The following SLC13A5 variants were observed in gnomAD, a reference collection of about 807,000 sequenced individuals.
SLC13A5 encodes the protein solute carrier family 13 member 5, also known as Na(+)/citrate cotransporter.
SLC13A5 carries 25 observed loss-of-function variants against 56.5 expected under a neutral mutation model. The ratio of observed to expected loss-of-function variants is 0.44; its 90% CI spans 0.32 to 0.62. SLC13A5 has a LOEUF of 0.62. Ranked by LOEUF, SLC13A5 falls within the 20% of genes least tolerant of loss-of-function variation. The pLI is 0.04. For synonymous variants in SLC13A5, 307 were observed against 301.5 expected (o/e 1.02, Z -0.19); for missense variants, 649 against 737.8 (o/e 0.88, Z 1.39).
At chr17:6,686,432 C>T in intron 11 of SLC13A5, 94 bp from the exon 12 acceptor site, 2 of 1,524,904 alleles carry the variant, frequency 1.3e-6, no homozygotes, top group Middle Eastern at 1.8e-4. Flanking sequence ...GCCTCGATGT[C>T]CCTGTGCCAT....
chr17:6,701,207 G>A lies in SLC13A5; in HGVS notation c.717-81C>T, dbSNP rs1246798317. The stretch of plus-strand genomic sequence containing the variant: ...CCCTGTGCGTGGGGACGGAGCAGCA[G>A]CTGGGCCCTGAGAGGCGCGCCTGTG... On this transcript the variant is annotated intron_variant, in intron 5 of 11. Transcript: ENST00000433363. This position sits in a 1 kb window ranked among gnomAD's most constrained non-coding sequence, Gnocchi z 4.1. 1.3e-6 allele frequency: 2 copies of A among 1,576,746 alleles called. No homozygotes were observed. The highest frequency in any genetic ancestry group is 4.6e-5 in the East Asian group (2 of 43,356).
chr17:6,703,734 T>G, intron 4 of SLC13A5, 144 bp downstream of exon 4: 1 of 787,124 alleles, frequency 1.3e-6, no homozygotes, highest in Non-Finnish European at 1.9e-6. Context: ...AGGACAACAG[T>G]ATTTTCTATT....
At position 6,692,947 on chromosome 17, in the gene SLC13A5, G is replaced by T; in HGVS notation, c.1275+97C>A. On this transcript the variant is annotated intron_variant, in intron 9 of 11. Transcript: ENST00000433363. The surrounding 1 kb of genome is among the most constrained non-coding windows in gnomAD (Gnocchi z 5.5). ...ATGTGCGGTTATACGAAGGATGCAG[G>T]CACAGAAACACACAAGCCCAGGGAT... 3 of 910,946 alleles carry T rather than the reference G, an allele frequency of 3.3e-6. No individual in the cohort carries two copies. Among genetic ancestry groups the T allele is most frequent in the Non-Finnish European group, 5.5e-6 (3 of 543,866 alleles). 56.4% of individuals were successfully genotyped at this position (910,946 alleles called of 1,614,324 possible).
In SLC13A5 at chr17:6,694,188, G is replaced by A. The variant is rs140940366; in HGVS notation, c.1065C>T (p.Ser355=). 17 of 1,608,754 alleles carry A rather than the reference G, an allele frequency of 1.1e-5. No individual in the cohort carries two copies. The highest frequency in any genetic ancestry group is 2.7e-5 in the African/African-American group (2 of 74,878). ...AWVEGETKYV[S]DATVAIFVAT... ...CCACAAAGATGGCCACAGTGGCATC[G>A]GAGACATACCTAGGTGGGGAAAAGC... is the stretch of plus-strand genomic sequence containing the variant. The change falls in exon 8 of 12, where the codon TCC becomes TCT. Residue 355 remains serine, a synonymous_variant. Transcript: ENST00000433363.
At chr17:6,706,812 T>C (rs1376098532) in intron 2 of SLC13A5, 34 bp from the exon 3 acceptor site, 1 of 1,611,232 alleles carries the variant, frequency 6.2e-7, no homozygotes, top group Non-Finnish European at 8.5e-7. Context: ...ATCAGGACTG[T>C]CCCTTGCCAC....
At position 6,687,586 on chromosome 17, in the gene SLC13A5, C is replaced by G; in HGVS notation, c.1518G>C (p.Val506=). 1.2e-6 allele frequency: 2 copies of G among 1,613,816 alleles called. No individual in the cohort carries two copies. The highest frequency in any genetic ancestry group is 1.7e-6 in the Non-Finnish European group (2 of 1,179,908). ...LSASFAFMLP[V]ATPPNAIVFT... is the part of the protein sequence containing the mutation. ...ACACGATGGCATTTGGAGGGGTGGC[C>G]ACAGGCAACATGAAGGCAAAGGAGG... Residue 506 remains valine (V), a synonymous_variant, in exon 11 of 12, where the codon GTG becomes GTC. Transcript: ENST00000433363. This position sits in a 1 kb window ranked among gnomAD's most constrained non-coding sequence, Gnocchi z 5.0.
chr17:6,711,331 C>T lies in SLC13A5; in HGVS notation c.102+1901G>A, dbSNP rs1195292670. On this transcript the variant is annotated intron_variant, in intron 1 of 11. Transcript: ENST00000433363. This position sits in a 1 kb window ranked among gnomAD's most constrained non-coding sequence, Gnocchi z 4.0. Reference sequence around the variant, plus strand: ...ACCCAACCCCGCCAGAAGGAAAGCTCGTGAAGGCAGCCTTTGGAAGGACTC... The same window carrying T: ...ACCCAACCCCGCCAGAAGGAAAGCTTGTGAAGGCAGCCTTTGGAAGGACTC... Among the ~76,000 whole-genome samples, 2 of 152,076 alleles carry T rather than the reference C, an allele frequency of 1.3e-5. No individual in the cohort carries two copies. The highest frequency in any genetic ancestry group is 2.9e-5 in the Non-Finnish European group (2 of 68,010).
Position 6,686,650 on chromosome 17 carries a change from G to A in SLC13A5, c.1576-312C>T, listed in dbSNP as rs16956128. On this transcript the variant is annotated intron_variant, in intron 11 of 11. Transcript: ENST00000433363. ...AAACGGTCACAGAGCCCAGTGTTCC[G>A]TGAGTCCAGGTTCATTGCTCACCCC... is the stretch of plus-strand genomic sequence containing the variant. 305 of 328,670 alleles carry A rather than the reference G, an allele frequency of 9.3e-4. 5 individuals carry two copies. The East Asian group carries it at 0.015, about 16-fold the overall frequency. The allele number at this position is 328,670 out of a possible 1,614,324, so 20.4% of individuals were successfully genotyped here.
At position 6,691,088 on chromosome 17, in the gene SLC13A5, G is replaced by A. The variant is rs375545373; in HGVS notation, c.1276-148C>T. 2.8e-5 allele frequency: 24 copies of A among 872,594 alleles called. 1 individual carries two copies. The highest frequency in any genetic ancestry group is 1.9e-4 in the African/African-American group (11 of 58,820). 54.1% of individuals were successfully genotyped at this position (872,594 alleles called of 1,614,324 possible). The stretch of plus-strand genomic sequence containing the variant: ...ATCCATTCCCACCATTTTCATCCCC[G>A]TCCTCACTCTGCTGTCTCCTAAATC... On this transcript the variant is annotated intron_variant, in intron 9 of 11. Transcript: ENST00000433363.
Position 6,692,868 on chromosome 17 carries a change from C to T in SLC13A5, c.1275+176G>A, listed in dbSNP as rs1449480100. On this transcript the variant is annotated intron_variant, in intron 9 of 11. Transcript: ENST00000433363. The surrounding 1 kb of genome is among the most constrained non-coding windows in gnomAD (Gnocchi z 5.5). ...AAGGTTACTTTCTGTCTTCCAGGCC[C>T]TGTGTGTGGTGTAGAGTTCCTAGAT... 8.2e-6 allele frequency: 5 copies of T among 608,214 alleles called. No homozygotes were observed. The East Asian group carries it at 8.4e-5, about 10-fold the overall frequency. The allele number at this position is 608,214 out of a possible 1,614,324, so 37.7% of individuals were successfully genotyped here. A position where few individuals can be genotyped will look rare whatever the true frequency, so the allele number is the denominator to read the frequency against.
Position 6,686,073 on chromosome 17 carries a change from G to C in SLC13A5, c.*134C>G, listed in dbSNP as rs1973238660. 7.7e-7 allele frequency: 1 copy of C among 1,305,156 alleles called. No homozygotes were observed. The highest frequency in any genetic ancestry group is 1.5e-5 in the African/African-American group (1 of 67,962). The allele number at this position is 1,305,156 out of a possible 1,614,324, so 80.8% of individuals were successfully genotyped here. ...GCTTGGAGGAAGAGGTGGCCCATTG[G>C]CTGGGTTTTGGTGGTGTGTGGACAT... On this transcript the variant is annotated 3_prime_UTR_variant, in exon 12 of 12. Transcript: ENST00000433363.
chr17:6,706,029 T>C (rs1424206268), intron 3 of SLC13A5, among the ~76,000 whole-genome samples: 1 of 152,198 alleles, frequency 6.6e-6, no homozygotes, highest in East Asian at 1.9e-4. Flanking sequence ...GTATCATGCC[T>C]GGGGCCTTGT....
At chr17:6,707,225 C>G in intron 1 of SLC13A5, 69 bp from the exon 2 acceptor site, 1 of 1,581,526 alleles carries the variant, frequency 6.3e-7, no homozygotes. Flanking sequence ...ACACTCCGGA[C>G]GGCGGCTGGC....
rs561939678 is a variant in SLC13A5 at position 6,704,203 on chromosome 17, G to A, written c.369-147C>T. On this transcript the variant is annotated intron_variant, in intron 3 of 11. Coordinates refer to ENST00000433363, the MANE Select transcript of SLC13A5 (RefSeq NM_177550.5). ...GATCAGATATTGGAATAGGGATGAC[G>A]GTTTTAGAGCCTCCCCTCCCTCCCT... 36 of 856,284 alleles carry A rather than the reference G, an allele frequency of 4.2e-5. No individual in the cohort carries two copies. In the East Asian group the frequency reaches 4.2e-4, roughly 10 times the overall value. 53.0% of individuals were successfully genotyped at this position (856,284 alleles called of 1,614,324 possible).
chr17:6,690,102 C>G, intron 10 of SLC13A5: 1 of 123,690 alleles, frequency 8.1e-6, no homozygotes, highest in Admixed American at 8.3e-5. Flanking sequence ...AAAACCATAG[C>G]CACTGATTTT....
chr17:6,704,421 G>A lies in SLC13A5; in HGVS notation c.369-365C>T, dbSNP rs185238173. 50 of 383,548 alleles carry A rather than the reference G, an allele frequency of 1.3e-4. 1 individual carries two copies. Among genetic ancestry groups the A allele is most frequent in the East Asian group, 7.6e-4 (11 of 14,510 alleles). The allele number at this position is 383,548 out of a possible 1,614,324, so 23.8% of individuals were successfully genotyped here. On this transcript the variant is annotated intron_variant, in intron 3 of 11. Transcript: ENST00000433363. ...GATGGTGCCAACTCAATATGAGCTT[G>A]CCCTAGGGTGTGCTGGAATACCCCT...
Position 6,698,230 on chromosome 17 carries a change from C to A in SLC13A5, c.840-2289G>T, listed in dbSNP as rs1384624181. ...AAGGGGAAGGGGTGGGACTGGACTG[C>A]AGCCACGCACCCCACCACGAGCATG... is the stretch of plus-strand genomic sequence containing the variant. On this transcript the variant is annotated intron_variant, in intron 6 of 11. Transcript: ENST00000433363. Among the ~76,000 whole-genome samples, 12 of 152,372 alleles carry A rather than the reference C, an allele frequency of 7.9e-5. No individual in the cohort carries two copies. The East Asian group carries it at 2.3e-3, about 29-fold the overall frequency.
intron 6 of SLC13A5, among the ~76,000 whole-genome samples, chr17:6,699,318 G>A (rs1454203891): frequency 6.6e-6 from 1 of 152,092 alleles, no homozygotes; most frequent in African/African-American, 2.4e-5. Context: ...AGGGCAAAGA[G>A]AGCTACTGTC....
In SLC13A5 at chr17:6,691,258, C is replaced by T. The variant is rs76594654; in HGVS notation, c.1276-318G>A. Among the ~76,000 whole-genome samples, 14,006 of 152,262 alleles carry T rather than the reference C, an allele frequency of 0.092. 1,353 individuals carry two copies. The highest frequency in any genetic ancestry group is 0.52 in the East Asian group (2,694 of 5,154). ...TCCATAGCCCAGAATCTGCTTCTCT[C>T]TCTGGGCCTCCCAGTTTGGTGAATG... On this transcript the variant is annotated intron_variant, in intron 9 of 11. Coordinates refer to ENST00000433363, the MANE Select transcript of SLC13A5 (RefSeq NM_177550.5).
Sources: allele counts gnomAD v4.1 joint callset (sites outside exome capture counted in the v4.1 genomes callset), GRCh38; gene constraint gnomAD v4.1.1; non-coding constraint Gnocchi (gnomAD v3.1); transcripts MANE v1.5; gene names NCBI Gene and HGNC (gene_info 2026-07-23, HGNC 2026-07-21).